The following GXYLT2 variants were observed in gnomAD, a reference collection of about 807,000 sequenced individuals.
GXYLT2 encodes the protein glucoside xylosyltransferase 2, also known as glycosyltransferase 8 domain containing 4.
In GXYLT2, 53 loss-of-function variants were observed where a neutral mutation model predicts 45.8. The observed-to-expected ratio is 1.16, with a 90% CI of 0.93 to 1.46. The LOEUF is 1.46. Among genes scored for constraint, GXYLT2 ranks in the 40% most tolerant of loss-of-function variants. The pLI is 0.00. For missense variants in GXYLT2, 551 were observed against 544.4 expected (o/e 1.01, Z -0.12); for synonymous variants, 219 against 214.2 (o/e 1.02, Z -0.19).
At chr3:72,935,807 G>A (rs1036687779) in intron 3 of GXYLT2, among the ~76,000 whole-genome samples, 2 of 152,126 alleles carry the variant, frequency 1.3e-5, no homozygotes, top group Non-Finnish European at 2.9e-5. Flanking sequence ...GATGTGCACC[G>A]CTTCAAAATA....
intron 1 of GXYLT2, among the ~76,000 whole-genome samples, chr3:72,890,609 G>A (rs1479114755): frequency 6.6e-6 from 1 of 152,126 alleles, no homozygotes; most frequent in Non-Finnish European, 1.5e-5. Context: ...TAATTTTACT[G>A]AGATGTCTTT....
Position 72,895,793 on chromosome 3 carries a change from T to C in GXYLT2, c.275+7285T>C, listed in dbSNP as rs1325737775. Among the ~76,000 whole-genome samples, 6 of 152,234 alleles carry C rather than the reference T, an allele frequency of 3.9e-5. No individual in the cohort carries two copies. In the South Asian group the frequency reaches 6.2e-4, roughly 16 times the overall value. On this transcript the variant is annotated intron_variant, in intron 1 of 6. Transcript: ENST00000389617. ...GAAGTTTTTTGACATGATACCTTCATTGGGAGTTGCTGATTTTGTGCCAGA... is the reference window on the plus strand; with the variant it reads ...GAAGTTTTTTGACATGATACCTTCACTGGGAGTTGCTGATTTTGTGCCAGA...
intron 3 of GXYLT2, among the ~76,000 whole-genome samples, chr3:72,948,776 G>A (rs1710459306): frequency 6.7e-6 from 1 of 149,874 alleles, no homozygotes; most frequent in Non-Finnish European, 1.5e-5. Flanking sequence ...GGTGGAGGTT[G>A]CAGTGCGCCA....
At chr3:72,892,942 C>T (rs1709209942) in intron 1 of GXYLT2, among the ~76,000 whole-genome samples, 1 of 152,140 alleles carries the variant, frequency 6.6e-6, no homozygotes, top group Non-Finnish European at 1.5e-5. Flanking sequence ...AAATATGTCC[C>T]CAGTTCCACC....
At chr3:72,929,367 A>T in intron 3 of GXYLT2, 1 of 1,064,370 alleles carries the variant, frequency 9.4e-7, no homozygotes, top group Non-Finnish European at 1.4e-6. Context: ...CATTTGGGGA[A>T]AAAAAAATAT....
chr3:72,895,596 A>G (rs187755179), intron 1 of GXYLT2, among the ~76,000 whole-genome samples: 132 of 152,234 alleles, frequency 8.7e-4, no homozygotes, highest in African/African-American at 3.1e-3. Context: ...CACTGTAAAG[A>G]AAAAAAAGAC....
At chr3:72,940,114 T>C (rs1337279527) in intron 3 of GXYLT2, among the ~76,000 whole-genome samples, 2 of 152,146 alleles carry the variant, frequency 1.3e-5, no homozygotes, top group Non-Finnish European at 2.9e-5. Context: ...GCCATGATTG[T>C]GTCACTGTAC....
At chr3:72,888,552 T>A in intron 1 of GXYLT2, 44 bp downstream of exon 1, 1 of 1,157,966 alleles carries the variant, frequency 8.6e-7, no homozygotes, top group Non-Finnish European at 1.1e-6. Flanking sequence ...GACCCGTGTC[T>A]CGCTCCCTAC....
At chr3:72,905,432 G>C (rs1443283763) in intron 1 of GXYLT2, among the ~76,000 whole-genome samples, 1 of 152,086 alleles carries the variant, frequency 6.6e-6, no homozygotes, top group Non-Finnish European at 1.5e-5. Flanking sequence ...CATTCTCTTT[G>C]GCCTTACGTT....
chr3:72,889,896 G>GTTTTTTTT (rs369830925), intron 1 of GXYLT2, among the ~76,000 whole-genome samples: 62 of 135,520 alleles, frequency 4.6e-4, no homozygotes, highest in African/African-American at 1.7e-3. Flanking sequence ...TTTTCTTTTG[G>GTTTTTTTT]TTTTTTTTTT....
chr3:72,894,246 T>C (rs1343637365), intron 1 of GXYLT2, among the ~76,000 whole-genome samples: 1 of 152,222 alleles, frequency 6.6e-6, no homozygotes, highest in Non-Finnish European at 1.5e-5. Context: ...CTAACGTTTC[T>C]TGGGCCCTGT....
chr3:72,892,167 C>A (rs568967689), intron 1 of GXYLT2, among the ~76,000 whole-genome samples: 1 of 152,200 alleles, frequency 6.6e-6, no homozygotes, highest in Non-Finnish European at 1.5e-5. Flanking sequence ...AAGATATCTT[C>A]CAGCTCAGAC....
chr3:72,911,993 G>GTGTGTATATATATA (rs1381632448), intron 2 of GXYLT2, among the ~76,000 whole-genome samples: 1 of 122,938 alleles, frequency 8.1e-6, no homozygotes, highest in Admixed American at 8.2e-5. Context: ...GTGTGTGTGT[G>GTGTGTATATATATA]TATATATATA....
intron 3 of GXYLT2, among the ~76,000 whole-genome samples, chr3:72,938,505 C>T (rs1349409000): frequency 6.6e-6 from 1 of 152,184 alleles, no homozygotes; most frequent in African/African-American, 2.4e-5. Context: ...CTGTTTTCAG[C>T]AACACATTCT....
intron 5 of GXYLT2, among the ~76,000 whole-genome samples, chr3:72,959,506 C>T (rs1267137959): frequency 6.6e-6 from 1 of 152,152 alleles, no homozygotes; most frequent in Non-Finnish European, 1.5e-5. Flanking sequence ...AGCGATCTTC[C>T]GGCCTCGGCC....
intron 6 of GXYLT2, among the ~76,000 whole-genome samples, chr3:72,973,617 A>G (rs1425931972): frequency 1.3e-5 from 2 of 152,220 alleles, no homozygotes; most frequent in African/African-American, 4.8e-5. Flanking sequence ...TGGGGCCAGC[A>G]TGGGCTTGCG....
At chr3:72,944,789 A>C (rs1203262717) in intron 3 of GXYLT2, among the ~76,000 whole-genome samples, 1 of 151,850 alleles carries the variant, frequency 6.6e-6, no homozygotes, top group Non-Finnish European at 1.5e-5. Context: ...TTCCTCCCCT[A>C]GCTCTCTTTC....
At chr3:72,972,272 C>T (rs1206171163) in intron 6 of GXYLT2, among the ~76,000 whole-genome samples, 1 of 152,120 alleles carries the variant, frequency 6.6e-6, no homozygotes, top group African/African-American at 2.4e-5. Flanking sequence ...ACTTATGAAG[C>T]ATCTATTTTA....
chr3:72,905,027 T>C (rs559720012), intron 1 of GXYLT2, among the ~76,000 whole-genome samples: 57 of 124,070 alleles, frequency 4.6e-4, no homozygotes, highest in African/African-American at 1.8e-3. Flanking sequence ...ATTGCACCAC[T>C]GCACTCCAGC....
Sources: allele counts gnomAD v4.1 joint callset (sites outside exome capture counted in the v4.1 genomes callset), GRCh38; gene constraint gnomAD v4.1.1; transcripts MANE v1.5; gene names NCBI Gene and HGNC (gene_info 2026-07-23, HGNC 2026-07-21).